Variants in SV2C observed in about 807,000 individuals in gnomAD.
SV2C encodes synaptic vesicle glycoprotein 2C, also known as solute carrier family 22 member B3.
SV2C carries 49 observed loss-of-function variants against 79.7 expected under a neutral mutation model. That is an observed-to-expected ratio of 0.61 (90% CI 0.49 to 0.78). The LOEUF is 0.78. Among genes scored for constraint, SV2C ranks in the 30% least tolerant of loss-of-function variants. SV2C has a pLI of 0.00. For missense variants in SV2C, 833 were observed against 912.9 expected, an observed-to-expected ratio of 0.91 and a Z score of 1.13; for synonymous variants, 334 against 333.2, an observed-to-expected ratio of 1.00 and a Z score of -0.03.
chr5:75,914,714 G>T, the SV2C span, among the ~76,000 whole-genome samples: 1 of 152,144 alleles, frequency 6.6e-6, no homozygotes, highest in Non-Finnish European at 1.5e-5. Flanking sequence ...ATATAAAATT[G>T]ATCTATCTTA....
At chr5:75,991,603 ATG>A in the SV2C span, among the ~76,000 whole-genome samples, 2 of 145,540 alleles carry the variant, frequency 1.4e-5, no homozygotes, top group Admixed American at 7.0e-5. Flanking sequence ...ATATATATAT[ATG>A]GATACATATA....
the SV2C span, among the ~76,000 whole-genome samples, chr5:75,877,509 G>C: frequency 2.6e-5 from 4 of 151,416 alleles, no homozygotes; most frequent in African/African-American, 9.7e-5. Flanking sequence ...GCCATATGTT[G>C]GATCATTTTT....
chr5:76,227,622 C>A (rs1012665181), intron 4 of SV2C, among the ~76,000 whole-genome samples: 7 of 152,172 alleles, frequency 4.6e-5, no homozygotes, highest in Non-Finnish European at 2.9e-5. Context: ...ACCTCCGTGG[C>A]ACTGAACACA....
chr5:75,932,960 T>C, the SV2C span, among the ~76,000 whole-genome samples: 1 of 152,220 alleles, frequency 6.6e-6, no homozygotes, highest in South Asian at 2.1e-4. Flanking sequence ...CATCTGGTCC[T>C]TGCCTATACT....
At chr5:76,319,792 G>A (rs995016298) in intron 12 of SV2C, among the ~76,000 whole-genome samples, 2 of 152,174 alleles carry the variant, frequency 1.3e-5, no homozygotes, top group African/African-American at 4.8e-5. Context: ...CCAGAGGTTC[G>A]TCGTTTGGGA....
intron 12 of SV2C, among the ~76,000 whole-genome samples, chr5:76,348,814 G>A (rs756223067): frequency 3.3e-5 from 5 of 151,868 alleles, no homozygotes; most frequent in Non-Finnish European, 5.9e-5. Flanking sequence ...GCCTGGCCAA[G>A]ATGGTGAAAC....
the SV2C span, among the ~76,000 whole-genome samples, chr5:76,048,457 C>T: frequency 6.6e-6 from 1 of 152,212 alleles, no homozygotes; most frequent in Admixed American, 6.5e-5. Flanking sequence ...GATTCACACA[C>T]TAATCTGTTC....
chr5:76,138,980 G>A (rs1368363949), intron 2 of SV2C, among the ~76,000 whole-genome samples: 1 of 152,084 alleles, frequency 6.6e-6, no homozygotes, highest in Non-Finnish European at 1.5e-5. Context: ...TTAGTCGGGT[G>A]TGGTAGCGGG....
At chr5:76,154,908 G>C (rs1016422241) in intron 2 of SV2C, among the ~76,000 whole-genome samples, 2 of 152,138 alleles carry the variant, frequency 1.3e-5, no homozygotes, top group Admixed American at 6.5e-5. Context: ...AAAAAGAGCA[G>C]GTAGTAGCAC....
intron 1 of SV2C, among the ~76,000 whole-genome samples, chr5:76,099,365 C>CGTGT (rs10582798): frequency 0.073 from 10,879 of 148,448 alleles, 1,174 homozygotes; most frequent in African/African-American, 0.24. Context: ...TTCTTTTGCT[C>CGTGT]GTGTGTGTGT....
intron 4 of SV2C, among the ~76,000 whole-genome samples, chr5:76,246,184 T>A (rs1745942483): frequency 6.6e-6 from 1 of 152,164 alleles, no homozygotes; most frequent in Non-Finnish European, 1.5e-5. Flanking sequence ...TTTATTCAAA[T>A]TTTTAAGGGC....
the SV2C span, among the ~76,000 whole-genome samples, chr5:76,017,494 G>T: frequency 6.6e-6 from 1 of 152,084 alleles, no homozygotes; most frequent in African/African-American, 2.4e-5. Context: ...CACCAGGCTG[G>T]TCTCAAACTC....
intron 3 of SV2C, among the ~76,000 whole-genome samples, chr5:76,200,495 A>C (rs1335291512): frequency 2.0e-5 from 3 of 152,226 alleles, no homozygotes. Flanking sequence ...TTCTGAATCC[A>C]AGGTTTACCT....
At chr5:75,995,741 C>T in the SV2C span, among the ~76,000 whole-genome samples, 1 of 152,090 alleles carries the variant, frequency 6.6e-6, no homozygotes, top group East Asian at 1.9e-4. Context: ...CTGGCTCCAA[C>T]TGTTATAAGC....
At chr5:75,944,978 C>A in the SV2C span, among the ~76,000 whole-genome samples, 1 of 151,906 alleles carries the variant, frequency 6.6e-6, no homozygotes, top group Admixed American at 6.6e-5. Flanking sequence ...AAACATCTGA[C>A]CAATGTGTGA....
At chr5:75,911,292 C>T in the SV2C span, 2 of 1,430,152 alleles carry the variant, frequency 1.4e-6, no homozygotes, top group Non-Finnish European at 2.0e-6. Context: ...CAGGCAGAAC[C>T]CTGAGCCCTT....
intron 2 of SV2C, among the ~76,000 whole-genome samples, chr5:76,149,470 G>A (rs1749534949): frequency 6.6e-6 from 1 of 152,162 alleles, no homozygotes; most frequent in African/African-American, 2.4e-5. Context: ...AATCCCACTT[G>A]GAGTGGTGCT....
chr5:76,319,435 G>GA (rs1418971008), intron 12 of SV2C, among the ~76,000 whole-genome samples: 1 of 151,980 alleles, frequency 6.6e-6, no homozygotes, highest in African/African-American at 2.4e-5. Flanking sequence ...AAGAAAAAAA[G>GA]AAAAGAAAAA....
chr5:76,202,943 T>C (rs1224535074), intron 3 of SV2C, among the ~76,000 whole-genome samples: 1 of 152,244 alleles, frequency 6.6e-6, no homozygotes, highest in African/African-American at 2.4e-5. Flanking sequence ...AAATTAACTT[T>C]ACGTGATTGT....
Sources: allele counts gnomAD v4.1 joint callset (sites outside exome capture counted in the v4.1 genomes callset), GRCh38; gene constraint gnomAD v4.1.1; transcripts MANE v1.5; gene names NCBI Gene and HGNC (gene_info 2026-07-23, HGNC 2026-07-21).